Variants in XXYLT1 observed in about 807,000 individuals in gnomAD.
XXYLT1 encodes the protein xyloside xylosyltransferase 1.
XXYLT1 carries 20 observed loss-of-function variants against 28.9 expected under a neutral mutation model. The observed-to-expected ratio is 0.69, with a 90% confidence interval of 0.49 to 1.00. XXYLT1 has a LOEUF of 1.00. XXYLT1 is among the 50% of genes least tolerant of loss of function. The probability of loss-of-function intolerance (pLI) is 0.00; values close to 1 mark genes in which losing one functional copy is unlikely to be tolerated. For missense variants in XXYLT1, 542 were observed against 560.1 expected (o/e 0.97, Z 0.33); for synonymous variants, 257 against 253.8 (o/e 1.01, Z -0.12).
At chr3:195,207,194 C>T (rs112033805) in intron 2 of XXYLT1, among the ~76,000 whole-genome samples, 5,346 of 152,242 alleles carry the variant, frequency 0.035, 352 homozygotes, top group African/African-American at 0.12. Context: ...ATCGGGCCTG[C>T]AGGTCCCATG....
In XXYLT1 at chr3:195,270,844, TCC is replaced by T; in HGVS notation, c.213_214del (p.Glu72AlafsTer66). ...TGGCGCCACGGAGCCCCGCGCTAGC[TCC>T]AGCGCGGGCGGCGAGGGCGCGGCGG... On this transcript the variant is annotated frameshift_variant, in exon 1 of 4. Coordinates refer to ENST00000310380, the MANE Select transcript of XXYLT1 (RefSeq NM_152531.5). LOFTEE classifies it high-confidence loss of function. 1 of 1,410,632 alleles carries T rather than the reference TCC, an allele frequency of 7.1e-7. No homozygotes were observed. The allele number at this position is 1,410,632 out of a possible 1,614,324, so 87.4% of individuals were successfully genotyped here.
At chr3:195,184,590 C>T in intron 2 of XXYLT1, 1 of 826,794 alleles carries the variant, frequency 1.2e-6, no homozygotes, top group African/African-American at 4.7e-5. Flanking sequence ...TTTGGAAGAA[C>T]CCCCCCAAGA....
At chr3:195,185,208 G>A (rs75619090) in intron 2 of XXYLT1, among the ~76,000 whole-genome samples, 5,187 of 152,210 alleles carry the variant, frequency 0.034, 152 homozygotes, top group East Asian at 0.1. Flanking sequence ...TGGAGAATAG[G>A]GAAGAAAGGT....
At chr3:195,167,483 C>T (rs1368125850) in intron 2 of XXYLT1, among the ~76,000 whole-genome samples, 1 of 152,000 alleles carries the variant, frequency 6.6e-6, no homozygotes, top group Non-Finnish European at 1.5e-5. Context: ...CCCAGCTACT[C>T]GGGAGGCTGA....
chr3:195,252,721 C>CAG lies in XXYLT1; in HGVS notation c.504+17833_504+17834insCT, dbSNP rs1313681253. 4.4e-3 allele frequency among the ~76,000 whole-genome samples: 591 copies of CAG among 134,852 alleles called. 2 individuals are homozygous for CAG. The highest frequency in any genetic ancestry group is 0.042 in the East Asian group (208 of 4,936). The allele number at this position is 134,852 out of a possible 152,430, so 88.5% of individuals were successfully genotyped here. On this transcript the variant is annotated intron_variant, in intron 1 of 3. Coordinates refer to ENST00000310380, the MANE Select transcript of XXYLT1 (RefSeq NM_152531.5). ...ACACACACACACACACACACACACA[C>CAG]ACACACAGAGAGAGAGAGAGAGAGA...
At chr3:195,117,112 TATACACAC>T (rs1216168597) in intron 3 of XXYLT1, among the ~76,000 whole-genome samples, 2 of 30,258 alleles carry the variant, frequency 6.6e-5, no homozygotes, top group Admixed American at 4.3e-4. Context: ...ATATATAGTG[TATACACAC>T]ACACACACAC....
chr3:195,093,742 C>G (rs1330951567), intron 3 of XXYLT1: 1 of 151,934 alleles, frequency 6.6e-6, no homozygotes, highest in Non-Finnish European at 1.5e-5. Context: ...CAAGCCATTA[C>G]CTGGGGAAAG....
chr3:195,073,597 G>C (rs562014160), intron 3 of XXYLT1, among the ~76,000 whole-genome samples: 4 of 152,256 alleles, frequency 2.6e-5, no homozygotes, highest in Non-Finnish European at 4.4e-5. Context: ...ACCCACGGTA[G>C]AGGGGATAAG....
intron 3 of XXYLT1, among the ~76,000 whole-genome samples, chr3:195,079,957 G>T (rs575529587): frequency 4.1e-4 from 63 of 152,264 alleles, no homozygotes; most frequent in Admixed American, 1.7e-3. Context: ...CCTGGCGTGG[G>T]CATCTGATTC....
intron 2 of XXYLT1, among the ~76,000 whole-genome samples, chr3:195,196,277 C>T (rs1455590468): frequency 2.0e-5 from 3 of 152,328 alleles, no homozygotes; most frequent in South Asian, 2.1e-4. Context: ...TATAGGACAA[C>T]AGAGTTCTGC....
chr3:195,254,551 G>A (rs980076160), intron 1 of XXYLT1, among the ~76,000 whole-genome samples: 13 of 152,236 alleles, frequency 8.5e-5, no homozygotes, highest in African/African-American at 3.1e-4. Context: ...GTTTCCCAAG[G>A]TGAAGCATCT....
At position 195,257,952 on chromosome 3, in the gene XXYLT1, C is replaced by T. The variant is rs558735501; in HGVS notation, c.504+12603G>A. On this transcript the variant is annotated intron_variant, in intron 1 of 3. Coordinates refer to ENST00000310380, the MANE Select transcript of XXYLT1 (RefSeq NM_152531.5). This position sits in a 1 kb window ranked among gnomAD's most constrained non-coding sequence, Gnocchi z 4.3. Reference sequence around the variant, plus strand: ...GCAGCCCCGGCACACCCACAATCCTCGACCCTGTGTCTTCCTACCCCCTAG... The same window carrying T: ...GCAGCCCCGGCACACCCACAATCCTTGACCCTGTGTCTTCCTACCCCCTAG... Among the ~76,000 whole-genome samples, 7 of 152,306 alleles carry T rather than the reference C, an allele frequency of 4.6e-5. No homozygotes were observed. The East Asian group carries it at 5.8e-4, about 13-fold the overall frequency.
chr3:195,069,913 G>A lies in XXYLT1; in HGVS notation c.984C>T (p.Leu328=), dbSNP rs1204238668. ...TCATGGTGAAGAAGTCCTGGTCCCC[G>A]AGGTGGCCGCGGAAGTGGTACTTGT... The part of the protein sequence containing the change: ...LADKYHFRGH[L]GDQDFFTMIG... Residue 328 remains leucine (L), a synonymous_variant, in exon 4 of 4, where the codon CTC becomes CTT. Transcript: ENST00000310380. 8.7e-6 allele frequency: 14 copies of A among 1,613,732 alleles called. No individual in the cohort carries two copies. The highest frequency in any genetic ancestry group is 3.3e-5 in the Admixed American group (2 of 60,008).
rs55912217 is a variant in XXYLT1, at chr3:195,068,934, T to C, written c.*781A>G. ...TCCCGACAGTTCTCCTGCATGTCCTTGTGGTGGCCAGTCTCTGTTCTTTGA... is the reference window on the plus strand; with the variant it reads ...TCCCGACAGTTCTCCTGCATGTCCTCGTGGTGGCCAGTCTCTGTTCTTTGA... On this transcript the variant is annotated 3_prime_UTR_variant, in exon 4 of 4. Transcript: ENST00000310380. 0.23 allele frequency: 35,324 copies of C among 152,052 alleles called. 4,585 individuals are homozygous for C. Among genetic ancestry groups the C allele is most frequent in the East Asian group, 0.62 (3,180 of 5,148 alleles). The allele number at this position is 152,052 out of a possible 1,614,324, so 9.4% of individuals were successfully genotyped here. A position where few individuals can be genotyped will look rare whatever the true frequency, so the allele number is the denominator to read the frequency against.
intron 2 of XXYLT1, among the ~76,000 whole-genome samples, chr3:195,222,524 T>C (rs1461568710): frequency 6.6e-6 from 1 of 152,186 alleles, no homozygotes; most frequent in Non-Finnish European, 1.5e-5. Context: ...GGCCCAGTAA[T>C]GCTACCCTTG....
At chr3:195,116,505 C>T (rs1276068792) in intron 3 of XXYLT1, among the ~76,000 whole-genome samples, 1 of 152,124 alleles carries the variant, frequency 6.6e-6, no homozygotes, top group Non-Finnish European at 1.5e-5. Flanking sequence ...AGGTGCACTG[C>T]CAAGTGCACA....
chr3:195,212,537 C>A (rs1050800126), intron 2 of XXYLT1, among the ~76,000 whole-genome samples: 1 of 152,170 alleles, frequency 6.6e-6, no homozygotes, highest in Non-Finnish European at 1.5e-5. Context: ...GGAACCCGGC[C>A]GCACAGCAGG....
At chr3:195,218,738 A>G (rs1244386579) in intron 2 of XXYLT1, among the ~76,000 whole-genome samples, 1 of 150,298 alleles carries the variant, frequency 6.7e-6, no homozygotes, top group East Asian at 2.0e-4. Flanking sequence ...TAGTTCAACC[A>G]TTGTGGAAGT....
chr3:195,230,812 G>A (rs1018352684), intron 1 of XXYLT1, among the ~76,000 whole-genome samples: 1 of 152,154 alleles, frequency 6.6e-6, no homozygotes, highest in Non-Finnish European at 1.5e-5. Context: ...GTCACATCAT[G>A]TAATTCCTCC....
Sources: gnomAD v4.1 joint callset for allele counts (sites outside exome capture counted in the v4.1 genomes callset) on GRCh38, gnomAD v4.1.1 for gene constraint, Gnocchi (gnomAD v3.1) non-coding constraint, MANE v1.5 for transcripts, NCBI Gene and HGNC (gene_info 2026-07-23, HGNC 2026-07-21) for gene names.